The following DLG2 variants were observed in gnomAD, a reference collection of about 807,000 sequenced individuals.
The protein encoded by DLG2 is disks large homolog 2.
A neutral mutation model predicts 132.5 loss-of-function variants in DLG2; 45 were observed. The observed-to-expected ratio is 0.34, with a 90% CI of 0.27 to 0.44. The LOEUF (loss-of-function observed/expected upper bound fraction) is 0.44, where lower values mean the gene tolerates loss of function less well. DLG2 is among the 20% of genes least tolerant of loss of function. DLG2 has a pLI of 1.00. For missense variants in DLG2, 1,045 were observed against 1,196.9 expected, an observed-to-expected ratio of 0.87 and a Z score of 1.87; for synonymous variants, 424 against 419.6, an observed-to-expected ratio of 1.01 and a Z score of -0.13.
chr11:84,664,353 A>C (rs2099697792), intron 6 of DLG2, among the ~76,000 whole-genome samples: 1 of 152,214 alleles, frequency 6.6e-6, no homozygotes, highest in Non-Finnish European at 1.5e-5. Context: ...ATTATATTTC[A>C]AATGACTTAA....
At chr11:85,109,890 T>C (rs530215866) in intron 6 of DLG2, among the ~76,000 whole-genome samples, 37 of 152,210 alleles carry the variant, frequency 2.4e-4, no homozygotes, top group African/African-American at 8.4e-4. Flanking sequence ...ACTACCAGCC[T>C]AAGAGGGTAA....
intron 7 of DLG2, among the ~76,000 whole-genome samples, chr11:84,346,979 C>T (rs113751640): frequency 2.0e-5 from 3 of 152,142 alleles, no homozygotes; most frequent in Non-Finnish European, 2.9e-5. Flanking sequence ...AGTCGTTTCA[C>T]TAAATAATTG....
chr11:85,486,578 G>A (rs1251990106), intron 3 of DLG2, among the ~76,000 whole-genome samples: 1 of 152,014 alleles, frequency 6.6e-6, no homozygotes, highest in Non-Finnish European at 1.5e-5. Flanking sequence ...CAAGATTTGA[G>A]GTCAGGCTGA....
intron 4 of DLG2, among the ~76,000 whole-genome samples, chr11:85,226,795 G>T (rs1303602552): frequency 6.6e-6 from 1 of 152,068 alleles, no homozygotes; most frequent in African/African-American, 2.4e-5. Flanking sequence ...CTGAAATTCT[G>T]AAAACTTCCT....
chr11:83,579,331 T>C (rs570980964), intron 19 of DLG2, among the ~76,000 whole-genome samples: 2 of 152,384 alleles, frequency 1.3e-5, no homozygotes, highest in South Asian at 4.1e-4. Flanking sequence ...TCTCAGCTGT[T>C]CTTATTTGCT....
At chr11:84,496,539 G>A (rs974006110) in intron 7 of DLG2, among the ~76,000 whole-genome samples, 12 of 152,060 alleles carry the variant, frequency 7.9e-5, no homozygotes, top group African/African-American at 2.4e-4. Flanking sequence ...GATTAATGGA[G>A]GCAAGATTGT....
At chr11:84,834,903 G>T (rs534561830) in intron 6 of DLG2, among the ~76,000 whole-genome samples, 28 of 148,866 alleles carry the variant, frequency 1.9e-4, no homozygotes, top group Admixed American at 5.4e-4. Flanking sequence ...GGGTGTTAAT[G>T]AAAAAAAAAA....
chr11:85,128,614 T>C (rs2075387205), intron 5 of DLG2, among the ~76,000 whole-genome samples: 1 of 152,200 alleles, frequency 6.6e-6, no homozygotes, highest in Admixed American at 6.5e-5. Flanking sequence ...ATATTCTGCC[T>C]GCGATCCAGA....
At chr11:85,415,811 C>T (rs1174695778) in intron 3 of DLG2, among the ~76,000 whole-genome samples, 1 of 152,212 alleles carries the variant, frequency 6.6e-6, no homozygotes, top group East Asian at 1.9e-4. Context: ...TGCCTGCTCA[C>T]TCTGATGATA....
chr11:84,334,352 C>T (rs902115347), intron 7 of DLG2, among the ~76,000 whole-genome samples: 2 of 152,168 alleles, frequency 1.3e-5, no homozygotes, highest in East Asian at 3.9e-4. Flanking sequence ...TTAGGGGACA[C>T]TCCTGTGCAT....
chr11:83,890,284 C>T (rs1193457256), intron 15 of DLG2, among the ~76,000 whole-genome samples: 1 of 151,976 alleles, frequency 6.6e-6, no homozygotes, highest in Non-Finnish European at 1.5e-5. Context: ...TTCAGAATAA[C>T]ACACTCTGAT....
rs139422814 is a variant in DLG2 at position 85,368,850 on chromosome 11, A to G, written c.41-83485T>C. Among the ~76,000 whole-genome samples, 4 of 152,348 alleles carry G rather than the reference A, an allele frequency of 2.6e-5. No individual in the cohort carries two copies. The East Asian group carries it at 7.7e-4, about 29-fold the overall frequency. The stretch of plus-strand genomic sequence containing the variant: ...TGCGGTGGAACCGCAGGAAGTTCAC[A>G]ACATTTGCAGCAGAGAGGAGACTGA... On this transcript the variant is annotated intron_variant, in intron 3 of 27. Transcript: ENST00000376104.
chr11:84,653,308 A>T (rs182753341), intron 6 of DLG2, among the ~76,000 whole-genome samples: 3 of 152,180 alleles, frequency 2.0e-5, no homozygotes, highest in Non-Finnish European at 4.4e-5. Flanking sequence ...AGCAGTTTCA[A>T]TTCTAACTGA....
intron 5 of DLG2, among the ~76,000 whole-genome samples, chr11:85,122,207 A>G (rs1188677214): frequency 2.0e-5 from 3 of 152,230 alleles, no homozygotes; most frequent in Non-Finnish European, 4.4e-5. Context: ...CTACACAACC[A>G]GATAAAGACT....
At chr11:85,101,900 T>C (rs1056071733) in intron 6 of DLG2, among the ~76,000 whole-genome samples, 1 of 152,082 alleles carries the variant, frequency 6.6e-6, no homozygotes, top group African/African-American at 2.4e-5. Flanking sequence ...ATAGTCAGTC[T>C]TGTAACCCTC....
At chr11:83,475,591 A>G (rs572956425) in intron 22 of DLG2, among the ~76,000 whole-genome samples, 9 of 152,104 alleles carry the variant, frequency 5.9e-5, no homozygotes, top group African/African-American at 2.2e-4. Flanking sequence ...GTTGAGGTAA[A>G]GCTAACAAAT....
At chr11:85,539,510 G>A (rs1442946775) in intron 3 of DLG2, among the ~76,000 whole-genome samples, 4 of 152,174 alleles carry the variant, frequency 2.6e-5, no homozygotes, top group Non-Finnish European at 4.4e-5. Flanking sequence ...GGAAGAATTA[G>A]AGTTACTGCT....
chr11:85,102,476 A>G lies in DLG2; in HGVS notation c.357+9185T>C, dbSNP rs561147661. On this transcript the variant is annotated intron_variant, in intron 6 of 27. Transcript: ENST00000376104. ...TGAGTAGGTAGATTATGCTCTCAGG[A>G]ATCCTAGAAAAGGGCTTCTTAATAT... Among the ~76,000 whole-genome samples the G allele has an allele frequency of 1.5e-4, 23 of 152,142 alleles. No individual in the cohort carries two copies. In the South Asian group the frequency reaches 4.6e-3, roughly 30 times the overall value.
intron 6 of DLG2, among the ~76,000 whole-genome samples, chr11:84,984,990 T>C (rs1318141849): frequency 6.6e-6 from 1 of 152,146 alleles, no homozygotes; most frequent in Non-Finnish European, 1.5e-5. Context: ...GTAAAACAAT[T>C]ACTCATAGAT....
Sources: gnomAD v4.1 joint callset for allele counts (sites outside exome capture counted in the v4.1 genomes callset) on GRCh38, gnomAD v4.1.1 for gene constraint, MANE v1.5 for transcripts, NCBI Gene and HGNC (gene_info 2026-07-23, HGNC 2026-07-21) for gene names.